Variants in GRIK4 observed in about 807,000 individuals in gnomAD.
GRIK4 encodes the protein glutamate ionotropic receptor kainate type subunit 4.
Under a neutral mutation model 104.9 loss-of-function variants are expected in GRIK4, and 40 were observed. The observed-to-expected ratio is 0.38, with a 90% CI of 0.30 to 0.50. The LOEUF (loss-of-function observed/expected upper bound fraction) is 0.50. Ranked by LOEUF, GRIK4 falls within the 20% of genes least tolerant of loss-of-function variation. The pLI, the probability that GRIK4 is intolerant of heterozygous loss-of-function variation, is 0.93. For synonymous variants in GRIK4, 485 were observed against 524.9 expected (o/e 0.92, Z 1.04); for missense variants, 1,047 against 1,308.1 (o/e 0.80, Z 3.08).
intron 13 of GRIK4, among the ~76,000 whole-genome samples, chr11:120,906,329 A>C (rs1942865920): frequency 6.6e-6 from 1 of 152,268 alleles, no homozygotes; most frequent in Non-Finnish European, 1.5e-5. Context: ...CCCTTGATCC[A>C]ACTCTTTTCC....
chr11:120,769,742 C>T (rs1951906224), intron 3 of GRIK4, among the ~76,000 whole-genome samples: 1 of 152,172 alleles, frequency 6.6e-6, no homozygotes, highest in African/African-American at 2.4e-5. Flanking sequence ...ATGAAGGAGA[C>T]ATGGAATGGA....
rs1219165706 is a variant in GRIK4 at position 120,812,012 on chromosome 11, A to G, written c.248-3366A>G. 5.9e-5 allele frequency among the ~76,000 whole-genome samples: 9 copies of G among 152,212 alleles called. No homozygotes were observed. In the East Asian group the frequency reaches 1.7e-3, roughly 29 times the overall value. On this transcript the variant is annotated intron_variant, in intron 4 of 20. Transcript: ENST00000527524. Reference sequence around the variant, plus strand: ...ACACTCCGATCTACGTTTTAGGACTATAATTTGCCCCACCGTTTAAAGAAT... The same window carrying G: ...ACACTCCGATCTACGTTTTAGGACTGTAATTTGCCCCACCGTTTAAAGAAT...
chr11:120,790,432 T>A (rs1952371619), intron 3 of GRIK4, among the ~76,000 whole-genome samples: 1 of 151,956 alleles, frequency 6.6e-6, no homozygotes, highest in Admixed American at 6.6e-5. Flanking sequence ...ACGGTGGGAA[T>A]GGGGTATGAG....
At chr11:120,906,590 C>A (rs1247383811) in intron 13 of GRIK4, among the ~76,000 whole-genome samples, 6 of 152,090 alleles carry the variant, frequency 3.9e-5, no homozygotes, top group African/African-American at 1.4e-4. Context: ...TGCTTTAAAC[C>A]CTTTATATCA....
chr11:120,791,611 G>A (rs904862116), intron 3 of GRIK4, among the ~76,000 whole-genome samples: 3 of 152,054 alleles, frequency 2.0e-5, no homozygotes, highest in South Asian at 2.1e-4. Context: ...TTTTGATGAC[G>A]TCTACTTTAC....
chr11:120,611,540 A>G (rs1387795807), intron 1 of GRIK4, among the ~76,000 whole-genome samples: 1 of 152,190 alleles, frequency 6.6e-6, no homozygotes, highest in Non-Finnish European at 1.5e-5. Flanking sequence ...TACTGTTATC[A>G]TCATGATTTG....
intron 2 of GRIK4, among the ~76,000 whole-genome samples, chr11:120,654,499 A>C (rs578040999): frequency 6.6e-6 from 1 of 152,074 alleles, no homozygotes; most frequent in East Asian, 1.9e-4. Context: ...AGTAGCTGGG[A>C]TTATAGGTGC....
intron 1 of GRIK4, among the ~76,000 whole-genome samples, chr11:120,584,631 T>G (rs948734463): frequency 2.0e-5 from 3 of 152,210 alleles, no homozygotes; most frequent in Non-Finnish European, 4.4e-5. Flanking sequence ...TCCAGTCACA[T>G]TCCACCAGGC....
chr11:120,891,067 A>G (rs1354527279), intron 11 of GRIK4, among the ~76,000 whole-genome samples: 1 of 152,252 alleles, frequency 6.6e-6, no homozygotes, highest in Non-Finnish European at 1.5e-5. Flanking sequence ...GAGAGGGAAC[A>G]AAGTGGCAAA....
intron 1 of GRIK4, among the ~76,000 whole-genome samples, chr11:120,571,153 C>T (rs759324428): frequency 3.3e-5 from 5 of 152,208 alleles, no homozygotes; most frequent in Admixed American, 6.5e-5. Flanking sequence ...TGGCCCCCTC[C>T]TCCCTAGACT....
At chr11:120,789,599 G>A (rs564388747) in intron 3 of GRIK4, among the ~76,000 whole-genome samples, 4 of 152,024 alleles carry the variant, frequency 2.6e-5, no homozygotes, top group African/African-American at 7.3e-5. Flanking sequence ...ATCTTATGAC[G>A]TCATCGCCTG....
intron 3 of GRIK4, among the ~76,000 whole-genome samples, chr11:120,661,223 C>G (rs1327429325): frequency 1.3e-5 from 2 of 152,164 alleles, no homozygotes; most frequent in East Asian, 1.9e-4. Context: ...TGTCGGGGAT[C>G]AGGGGTGTCT....
chr11:120,718,194 C>T (rs1950869486), intron 3 of GRIK4, among the ~76,000 whole-genome samples: 1 of 152,082 alleles, frequency 6.6e-6, no homozygotes, highest in South Asian at 2.1e-4. Context: ...CAGGACTCAG[C>T]CCTGGAGTTC....
At chr11:120,516,708 G>A (rs530721837) in intron 1 of GRIK4, among the ~76,000 whole-genome samples, 1 of 152,300 alleles carries the variant, frequency 6.6e-6, no homozygotes, top group South Asian at 2.1e-4. Flanking sequence ...AGCAGAGCGC[G>A]CTGACAGATT....
chr11:120,733,985 C>G (rs1370264552), intron 3 of GRIK4, among the ~76,000 whole-genome samples: 1 of 152,172 alleles, frequency 6.6e-6, no homozygotes, highest in Admixed American at 6.5e-5. Context: ...ATCCACCTGC[C>G]TCAGCTTCCC....
chr11:120,686,850 G>T (rs1950284527), intron 3 of GRIK4, among the ~76,000 whole-genome samples: 1 of 152,222 alleles, frequency 6.6e-6, no homozygotes, highest in Non-Finnish European at 1.5e-5. Context: ...CTAGTTTAGG[G>T]TTTTCAGTTG....
At chr11:120,544,398 T>C (rs1449417651) in intron 1 of GRIK4, among the ~76,000 whole-genome samples, 1 of 152,190 alleles carries the variant, frequency 6.6e-6, no homozygotes, top group Non-Finnish European at 1.5e-5. Flanking sequence ...TGGCATGATC[T>C]TGGCTCACTG....
At chr11:120,658,033 A>G (rs1041794950) in intron 2 of GRIK4, among the ~76,000 whole-genome samples, 4 of 152,096 alleles carry the variant, frequency 2.6e-5, no homozygotes, top group African/African-American at 9.7e-5. Context: ...GGTTTGGTCT[A>G]TTTTTACACT....
chr11:120,892,497 G>A (rs1358080187), intron 11 of GRIK4, among the ~76,000 whole-genome samples: 1 of 152,112 alleles, frequency 6.6e-6, no homozygotes, highest in Admixed American at 6.5e-5. Context: ...GGAGGGGTGA[G>A]GCTCGAGGAA....
Sources: gnomAD v4.1 joint callset for allele counts (sites outside exome capture counted in the v4.1 genomes callset) on GRCh38, gnomAD v4.1.1 for gene constraint, MANE v1.5 for transcripts, NCBI Gene and HGNC (gene_info 2026-07-23, HGNC 2026-07-21) for gene names.